GPC5: variants seen among roughly 807,000 people sequenced by gnomAD.
GPC5 encodes the protein glypican-5.
In GPC5, 47 loss-of-function variants were observed where a neutral mutation model predicts 53.9. The ratio of observed to expected loss-of-function variants is 0.87; its 90% confidence interval spans 0.69 to 1.11. The LOEUF (loss-of-function observed/expected upper bound fraction) is 1.11, where lower values mean the gene tolerates loss of function less well. GPC5 is among the 50% of genes most tolerant of loss of function. GPC5 has a pLI of 0.00. For missense variants in GPC5, 748 were observed against 713.1 expected, an observed-to-expected ratio of 1.05 and a Z score of -0.56; for synonymous variants, 286 against 263.3, an observed-to-expected ratio of 1.09 and a Z score of -0.84.
At chr13:91,550,790 G>A (rs1464506932) in intron 2 of GPC5, among the ~76,000 whole-genome samples, 3 of 152,014 alleles carry the variant, frequency 2.0e-5, no homozygotes, top group Admixed American at 2.0e-4. Context: ...GACTCATGGG[G>A]GCAGTTTCCC....
intron 7 of GPC5, among the ~76,000 whole-genome samples, chr13:92,822,815 T>G (rs138818671): frequency 5.8e-4 from 89 of 152,284 alleles, no homozygotes; most frequent in Non-Finnish European, 1.1e-3. Context: ...ATCAAAATTT[T>G]GAAAGCAATG....
intron 2 of GPC5, among the ~76,000 whole-genome samples, chr13:91,611,466 G>A (rs1331076370): frequency 6.6e-6 from 1 of 152,042 alleles, no homozygotes; most frequent in Non-Finnish European, 1.5e-5. Context: ...CCTCAGATTC[G>A]GAATCCAGTC....
At chr13:91,595,628 AC>A (rs1230181705) in intron 2 of GPC5, among the ~76,000 whole-genome samples, 11 of 152,056 alleles carry the variant, frequency 7.2e-5, no homozygotes. Context: ...TTTCTCCTGT[AC>A]TATCTGAACT....
intron 7 of GPC5, among the ~76,000 whole-genome samples, chr13:92,460,309 T>C (rs1449155272): frequency 6.6e-6 from 1 of 152,160 alleles, no homozygotes; most frequent in Non-Finnish European, 1.5e-5. Context: ...CTAAAATCAA[T>C]GTATTTTAAA....
At chr13:91,648,982 G>T (rs918590091) in intron 2 of GPC5, among the ~76,000 whole-genome samples, 1 of 152,150 alleles carries the variant, frequency 6.6e-6, no homozygotes, top group South Asian at 2.1e-4. Context: ...GGGACCCAGT[G>T]GGAGGTAATC....
chr13:91,472,329 C>A (rs1472662863), intron 2 of GPC5, among the ~76,000 whole-genome samples: 10 of 152,120 alleles, frequency 6.6e-5, no homozygotes, highest in Admixed American at 6.6e-4. Flanking sequence ...AGGGCATGAT[C>A]TCTGGAGTCC....
intron 7 of GPC5, among the ~76,000 whole-genome samples, chr13:92,799,034 T>C (rs879780220): frequency 1.3e-5 from 2 of 151,796 alleles, no homozygotes; most frequent in Non-Finnish European, 2.9e-5. Context: ...CCACTTTTCT[T>C]AGCAATCTGT....
In GPC5 at chr13:92,864,983, C is replaced by A. The variant is rs150387004; in HGVS notation, c.1562-1299C>A. ...GGCTGTAGTAACAATGAATTTAAAT[C>A]TGTTAATTGTGACTGATAGTGGCAT... On this transcript the variant is annotated intron_variant, in intron 7 of 7. Coordinates refer to ENST00000377067, the MANE Select transcript of GPC5 (RefSeq NM_004466.6). Among the ~76,000 whole-genome samples, 1,417 of 152,120 alleles carry A rather than the reference C, an allele frequency of 9.3e-3. 42 individuals carry two copies. Among genetic ancestry groups the A allele is most frequent in the Admixed American group, 0.06 (914 of 15,248 alleles).
At chr13:91,993,186 C>T (rs976742774) in intron 6 of GPC5, among the ~76,000 whole-genome samples, 1 of 152,164 alleles carries the variant, frequency 6.6e-6, no homozygotes, top group Non-Finnish European at 1.5e-5. Context: ...CTAAAGAACA[C>T]AGCTCTGTTG....
intron 7 of GPC5, among the ~76,000 whole-genome samples, chr13:92,597,526 T>G (rs960362555): frequency 7.9e-5 from 12 of 152,132 alleles, no homozygotes; most frequent in Non-Finnish European, 1.6e-4. Flanking sequence ...AATTACTGAG[T>G]GCTTCTGGGT....
chr13:92,834,825 T>A (rs1170765706), intron 7 of GPC5, among the ~76,000 whole-genome samples: 2 of 152,070 alleles, frequency 1.3e-5, no homozygotes, highest in African/African-American at 4.8e-5. Flanking sequence ...AGGGCCATAG[T>A]GTAAAGTTGG....
intron 7 of GPC5, among the ~76,000 whole-genome samples, chr13:92,816,507 T>C (rs1011176567): frequency 1.3e-5 from 2 of 152,086 alleles, no homozygotes; most frequent in Admixed American, 1.3e-4. Context: ...ACATTGAGCA[T>C]GGCCTGTGTG....
chr13:91,563,889 G>A (rs981833050), intron 2 of GPC5, among the ~76,000 whole-genome samples: 3 of 152,024 alleles, frequency 2.0e-5, no homozygotes, highest in Admixed American at 6.6e-5. Context: ...GGAGGACCGG[G>A]GAGGAGGGTC....
chr13:92,734,686 C>CAAAT (rs1212771624), intron 7 of GPC5, among the ~76,000 whole-genome samples: 1 of 151,774 alleles, frequency 6.6e-6, no homozygotes, highest in Non-Finnish European at 1.5e-5. Flanking sequence ...GCATTATTTT[C>CAAAT]AAATTAGAAA....
intron 7 of GPC5, among the ~76,000 whole-genome samples, chr13:92,735,868 T>C (rs1284675678): frequency 6.6e-6 from 1 of 152,010 alleles, no homozygotes; most frequent in East Asian, 1.9e-4. Flanking sequence ...CCTATCAGCC[T>C]CATTAACTAG....
chr13:92,276,510 T>A (rs1399854561), intron 7 of GPC5, among the ~76,000 whole-genome samples: 1 of 152,140 alleles, frequency 6.6e-6, no homozygotes, highest in Non-Finnish European at 1.5e-5. Context: ...TTACTCATAG[T>A]TGGAATCACA....
intron 6 of GPC5, among the ~76,000 whole-genome samples, chr13:91,989,603 A>G (rs2040438816): frequency 6.6e-6 from 1 of 152,172 alleles, no homozygotes; most frequent in Admixed American, 6.6e-5. Context: ...GTACTGTTAT[A>G]CGATAGGTAC....
intron 7 of GPC5, among the ~76,000 whole-genome samples, chr13:92,765,347 C>T (rs1875360094): frequency 1.3e-5 from 2 of 152,146 alleles, no homozygotes; most frequent in African/African-American, 4.8e-5. Context: ...GGTTTTTACC[C>T]TTGAGGCATC....
chr13:92,805,743 CT>C (rs937265341), intron 7 of GPC5, among the ~76,000 whole-genome samples: 30 of 151,964 alleles, frequency 2.0e-4, no homozygotes, highest in Non-Finnish European at 3.8e-4. Flanking sequence ...CATCCAGGAT[CT>C]TTTTTTTCTG....
Sources: gnomAD v4.1 joint callset for allele counts (sites outside exome capture counted in the v4.1 genomes callset) on GRCh38, gnomAD v4.1.1 for gene constraint, MANE v1.5 for transcripts, NCBI Gene and HGNC (gene_info 2026-07-23, HGNC 2026-07-21) for gene names.